The following KALRN variants were observed in gnomAD, a reference collection of about 807,000 sequenced individuals.
KALRN encodes the protein kalirin RhoGEF kinase, also known as kalirin.
A neutral mutation model predicts 353.7 loss-of-function variants in KALRN; 70 were observed. The ratio of observed to expected loss-of-function variants is 0.20; its 90% confidence interval spans 0.16 to 0.24. KALRN has a LOEUF of 0.24. Among genes scored for constraint, KALRN ranks in the 10% least tolerant of loss-of-function variants. KALRN has a pLI of 1.00. For synonymous variants in KALRN, 1,391 were observed against 1,434.8 expected (o/e 0.97, Z 0.69); for missense variants, 2,791 against 3,756.7 (o/e 0.74, Z 6.72).
At chr3:124,384,546 G>C in intron 10 of KALRN, 1 of 255,056 alleles carries the variant, frequency 3.9e-6, no homozygotes, top group Non-Finnish European at 7.4e-6. Context: ...TTTCTTGAAG[G>C]TAGGGGATAG....
intron 1 of KALRN, chr3:124,163,303 T>A (rs1199612776): frequency 6.6e-6 from 1 of 152,264 alleles, no homozygotes; most frequent in East Asian, 1.9e-4. Context: ...AACAGATGGC[T>A]GGTCAGTTGC....
chr3:124,188,889 C>T (rs902157949), intron 1 of KALRN, among the ~76,000 whole-genome samples: 1 of 152,162 alleles, frequency 6.6e-6, no homozygotes, highest in African/African-American at 2.4e-5. Flanking sequence ...TGCAGAGGGG[C>T]CCAGGTAGAT....
intron 41 of KALRN, 102 bp from the exon 42 acceptor site, chr3:124,658,329 C>T (rs1046109015): frequency 1.2e-5 from 10 of 847,152 alleles, no homozygotes; most frequent in Admixed American, 3.4e-5. Flanking sequence ...TCCCCAAGTG[C>T]GCCTTTGTCC....
chr3:124,304,325 T>A (rs2077512829), intron 6 of KALRN, among the ~76,000 whole-genome samples: 1 of 152,192 alleles, frequency 6.6e-6, no homozygotes, highest in African/African-American at 2.4e-5. Context: ...CATAGGGAGC[T>A]TGCTAAACAT....
chr3:124,128,568 A>G (rs2064941960), intron 1 of KALRN, among the ~76,000 whole-genome samples: 1 of 152,190 alleles, frequency 6.6e-6, no homozygotes, highest in Non-Finnish European at 1.5e-5. Flanking sequence ...CTGAGTTGAC[A>G]ATACAGGGAA....
chr3:124,335,245 A>G (rs980365642), intron 9 of KALRN, among the ~76,000 whole-genome samples: 1 of 152,168 alleles, frequency 6.6e-6, no homozygotes, highest in Non-Finnish European at 1.5e-5. Flanking sequence ...GAAGTGGAGT[A>G]CAGGAAACTT....
chr3:124,242,506 A>G (rs1315119107), intron 3 of KALRN, among the ~76,000 whole-genome samples: 1 of 152,118 alleles, frequency 6.6e-6, no homozygotes, highest in Non-Finnish European at 1.5e-5. Context: ...GAGAGGACTG[A>G]TTTGGGGAGA....
chr3:124,667,099 C>G lies in KALRN; in HGVS notation c.6619C>G (p.Leu2207Val). The G allele has an allele frequency of 1.2e-6, 2 of 1,614,214 alleles. No homozygotes were observed. Among genetic ancestry groups the G allele is most frequent in the African/African-American group, 1.3e-5 (1 of 75,054 alleles). The change falls in exon 47 of 60, where the codon CTG becomes GTG. Residue 2207 changes from leucine (L) to valine (V), a missense_variant. By Grantham distance (32) the Leu-to-Val change is conservative. Around this residue, in one of 11 missense-constraint regions of KALRN, gnomAD observed 1,065 missense variants for 1,156.4 expected, o/e 0.92. Transcript: ENST00000682506. ...CAGAGAGACTTCTGAGAGGGTTGTT[C>G]TGCAAGCCGCCAACGCTGACATCCA... ...MNRETSERVV[L>V]QAANADIQQA...
chr3:124,085,499 C>A (rs1392761926), intron 1 of KALRN, among the ~76,000 whole-genome samples: 3 of 152,208 alleles, frequency 2.0e-5, no homozygotes, highest in Non-Finnish European at 4.4e-5. Flanking sequence ...AGCATTTTCT[C>A]ATGATATAGT....
At chr3:124,408,718 A>G (rs1182404315) in intron 13 of KALRN, among the ~76,000 whole-genome samples, 4 of 125,560 alleles carry the variant, frequency 3.2e-5, no homozygotes, top group South Asian at 2.8e-4. Flanking sequence ...GAAGTGGGGA[A>G]AAAAAAAAGG....
At chr3:124,307,861 C>A (rs1580771094) in intron 6 of KALRN, among the ~76,000 whole-genome samples, 1 of 151,882 alleles carries the variant, frequency 6.6e-6, no homozygotes, top group East Asian at 1.9e-4. Context: ...GTTAGTAACA[C>A]TGTCAAAAAA....
intron 1 of KALRN, among the ~76,000 whole-genome samples, chr3:124,155,199 G>A (rs900541013): frequency 6.6e-6 from 1 of 152,160 alleles, no homozygotes; most frequent in African/African-American, 2.4e-5. Context: ...ATAGGCATGG[G>A]CAAGGACTTC....
chr3:124,655,665 G>A lies in KALRN; in HGVS notation c.5860G>A (p.Glu1954Lys). 15 of 1,613,398 alleles carry A rather than the reference G, an allele frequency of 9.3e-6. No homozygotes were observed. The highest frequency in any genetic ancestry group is 1.3e-5 in the Non-Finnish European group (15 of 1,179,326). ...DYVKDLGIVV[E>K]GFMKRIEEKG... is the part of the protein sequence containing the mutation. Reference sequence around the variant, plus strand: ...TGTCAAGGATCTGGGCATTGTGGTGGAGGTAAGTAGAGGGTTCCAGGTGGG... The same window carrying A: ...TGTCAAGGATCTGGGCATTGTGGTGAAGGTAAGTAGAGGGTTCCAGGTGGG... The change falls in exon 39 of 60, where the codon GAG (glutamate) becomes AAG (lysine). Residue 1954 changes from glutamate (E) to lysine (K), a missense_variant and splice_region_variant. Physicochemically the swap from Glu to Lys is moderately conservative, Grantham distance 56. Coordinates refer to ENST00000682506, the MANE Select transcript of KALRN (RefSeq NM_001388419.1).
chr3:124,441,962 G>T lies in KALRN; in HGVS notation c.3216G>T (p.Arg1072=). ...TTTCGCAGGCCTGCACCCTGGCTCGGCGGAATGCTGAGGTGTTTCTCAAGT... is the reference window on the plus strand; with the variant it reads ...TTTCGCAGGCCTGCACCCTGGCTCGTCGGAATGCTGAGGTGTTTCTCAAGT... The part of the protein sequence containing the change: ...EAFLKACTLA[R]RNAEVFLKYI... Residue 1072 remains arginine (R), a synonymous_variant, in exon 19 of 60, where the codon CGG becomes CGT. Coordinates refer to ENST00000682506, the MANE Select transcript of KALRN (RefSeq NM_001388419.1). 3 of 1,592,666 alleles carry T rather than the reference G, an allele frequency of 1.9e-6. No homozygotes were observed. Among genetic ancestry groups the T allele is most frequent in the Non-Finnish European group, 2.6e-6 (3 of 1,165,048 alleles).
chr3:124,272,652 G>A (rs953320398), intron 5 of KALRN, among the ~76,000 whole-genome samples: 1 of 152,114 alleles, frequency 6.6e-6, no homozygotes, highest in African/African-American at 2.4e-5. Context: ...AAAAAGAAGG[G>A]TGGGACGAGG....
intron 1 of KALRN, among the ~76,000 whole-genome samples, chr3:124,041,587 G>A (rs2039974594): frequency 6.6e-6 from 1 of 152,176 alleles, no homozygotes; most frequent in African/African-American, 2.4e-5. Context: ...TGCATAAGTA[G>A]AAGAATGGCA....
intron 33 of KALRN, chr3:124,519,128 C>A (rs2066943390): frequency 1.0e-6 from 1 of 985,526 alleles, no homozygotes; most frequent in Non-Finnish European, 1.2e-6. Flanking sequence ...CACTCCCTCC[C>A]GAGGTCTCTG....
chr3:124,582,767 T>C (rs6805420), intron 34 of KALRN, among the ~76,000 whole-genome samples: 42 of 137,356 alleles, frequency 3.1e-4, no homozygotes, highest in African/African-American at 1.1e-3. Context: ...CACATTTTTT[T>C]TGGGGGGGTT....
At chr3:124,499,575 T>C (rs1366914746) in intron 33 of KALRN, among the ~76,000 whole-genome samples, 2 of 152,206 alleles carry the variant, frequency 1.3e-5, no homozygotes, top group Non-Finnish European at 1.5e-5. Context: ...GTTTATTAAC[T>C]GTCAGCAGGT....
Sources: gnomAD v4.1 joint callset for allele counts (sites outside exome capture counted in the v4.1 genomes callset) on GRCh38, gnomAD v4.1.1 for gene constraint, gnomAD v4.1.1 regional missense constraint, MANE v1.5 for transcripts, NCBI Gene and HGNC (gene_info 2026-07-23, HGNC 2026-07-21) for gene names.